The following AGO4 variants were observed in gnomAD, a reference collection of about 807,000 sequenced individuals.
AGO4 encodes the protein protein argonaute-4.
Under a neutral mutation model 104.7 loss-of-function variants are expected in AGO4, and 33 were observed. The observed-to-expected ratio is 0.32, with a 90% confidence interval of 0.24 to 0.42. The LOEUF (loss-of-function observed/expected upper bound fraction) is 0.42, where lower values mean the gene tolerates loss of function less well. Among genes scored for constraint, AGO4 ranks in the 10% least tolerant of loss-of-function variants. The pLI is 1.00. For missense variants in AGO4, 711 were observed against 1,083.4 expected, an observed-to-expected ratio of 0.66 and a Z score of 4.83; for synonymous variants, 331 against 364.7, an observed-to-expected ratio of 0.91 and a Z score of 1.05.
At chr1:35,847,764 T>C (rs1308461744) in intron 15 of AGO4, among the ~76,000 whole-genome samples, 6 of 152,302 alleles carry the variant, frequency 3.9e-5, no homozygotes, top group Non-Finnish European at 7.3e-5. Flanking sequence ...CTATGTTTTA[T>C]TGTTTTTAAT....
intron 7 of AGO4, among the ~76,000 whole-genome samples, chr1:35,827,187 CAAGACCCTGTCTCAAAAA>C (rs2148662667): frequency 6.6e-6 from 1 of 151,086 alleles, no homozygotes; most frequent in South Asian, 2.1e-4. Flanking sequence ...GGCAACAGAG[CAAGACCCTGTCTCAAAAA>C]AAATTAATAA....
Position 35,841,626 on chromosome 1 carries a change from CA to C in AGO4, c.2052del (p.Glu685AsnfsTer2). On this transcript the variant is annotated frameshift_variant, in exon 15 of 18. Coordinates refer to ENST00000373210, the MANE Select transcript of AGO4 (RefSeq NM_017629.4). LOFTEE classifies it high-confidence loss of function. This position sits in a 1 kb window ranked among gnomAD's most constrained non-coding sequence, Gnocchi z 4.7. Reference protein sequence around the residue: ...SEGQMKQVAWPELIAIRKACI... With the variant: ...SEGQMKQVAWXELIAIRKACI... ...ATTTCTGTCTTCTAGGTAGCTTGGCCAGAACTAATAGCAATTCGAAAGGCAT... is the reference window on the plus strand; with the variant it reads ...ATTTCTGTCTTCTAGGTAGCTTGGCCGAACTAATAGCAATTCGAAAGGCAT... 1 of 1,613,904 alleles carries C rather than the reference CA, an allele frequency of 6.2e-7. No individual in the cohort carries two copies. Among genetic ancestry groups the C allele is most frequent in the Non-Finnish European group, 8.5e-7 (1 of 1,179,984 alleles).
At chr1:35,825,214 A>G in intron 3 of AGO4, 99 bp from the exon 4 acceptor site, 1 of 1,281,812 alleles carries the variant, frequency 7.8e-7, no homozygotes, top group Non-Finnish European at 1.1e-6. Context: ...AAAAGTTAAA[A>G]GAAATATCCT....
chr1:35,851,135 A>G, intron 17 of AGO4, 82 bp downstream of exon 17: 1 of 1,359,244 alleles, frequency 7.4e-7, no homozygotes, highest in Non-Finnish European at 1.0e-6. Context: ...AAACTTTTTT[A>G]AGGATTTAAA....
chr1:35,824,458 C>G (rs1431383310), intron 3 of AGO4, among the ~76,000 whole-genome samples: 1 of 150,432 alleles, frequency 6.6e-6, no homozygotes, highest in East Asian at 1.9e-4. Flanking sequence ...TATTTTTTTT[C>G]AAATTTAAGT....
At position 35,857,472 on chromosome 1, in the gene AGO4, A is replaced by G. The variant is rs779638475; in HGVS notation, c.*3867A>G. The G allele has an allele frequency of 6.6e-6, 1 of 152,220 alleles. No individual in the cohort carries two copies. The highest frequency in any genetic ancestry group is 1.5e-5 in the Non-Finnish European group (1 of 68,040). 9.4% of individuals were successfully genotyped at this position (152,220 alleles called of 1,614,324 possible). On this transcript the variant is annotated 3_prime_UTR_variant, in exon 18 of 18. Coordinates refer to ENST00000373210, the MANE Select transcript of AGO4 (RefSeq NM_017629.4). Reference sequence around the variant, plus strand: ...ATTATTAGACCTGTAATGTTTTAAAATGTATTTTATTAAATTTGGACTGGA... The same window carrying G: ...ATTATTAGACCTGTAATGTTTTAAAGTGTATTTTATTAAATTTGGACTGGA...
chr1:35,815,867 C>T (rs1643676242), intron 1 of AGO4, among the ~76,000 whole-genome samples: 1 of 152,112 alleles, frequency 6.6e-6, no homozygotes, highest in South Asian at 2.1e-4. Context: ...CAAATTTGCC[C>T]CGGGTTGAGA....
chr1:35,853,604 G>A lies in AGO4; in HGVS notation c.2585G>A (p.Ter862=). Reference sequence around the variant, plus strand: ...ACCCAGCACACGATGTATTTTGCCTGAGAGTCTCAGAAAAAGAACTCAACC... The same window carrying A: ...ACCCAGCACACGATGTATTTTGCCTAAGAGTCTCAGAAAAAGAACTCAACC... The part of the protein sequence containing the change: ...HDTQHTMYFA[*] Residue 862 remains the stop codon, a stop_retained_variant, in exon 18 of 18, where the codon TGA becomes TAA. Coordinates refer to ENST00000373210, the MANE Select transcript of AGO4 (RefSeq NM_017629.4). 6.2e-7 allele frequency: 1 copy of A among 1,613,096 alleles called. No individual in the cohort carries two copies. The highest frequency in any genetic ancestry group is 1.1e-5 in the South Asian group (1 of 90,882).
rs1250628780 is a variant in AGO4, at chr1:35,808,648, A to AG, written c.19+219dup. ...GGCCGTTGGGTGGATCCCGAGGTCC[A>AG]GGGGGGAGGTTCGGGAAGGTGACCG... On this transcript the variant is annotated intron_variant, in intron 1 of 17. Coordinates refer to ENST00000373210, the MANE Select transcript of AGO4 (RefSeq NM_017629.4). The surrounding 1 kb of genome is among the most constrained non-coding windows in gnomAD (Gnocchi z 5.2). Among the ~76,000 whole-genome samples the AG allele has an allele frequency of 1.3e-5, 2 of 151,956 alleles. No individual in the cohort carries two copies. The highest frequency in any genetic ancestry group is 4.8e-5 in the African/African-American group (2 of 41,414).
At chr1:35,846,841 A>T (rs1644584387) in intron 15 of AGO4, among the ~76,000 whole-genome samples, 1 of 151,956 alleles carries the variant, frequency 6.6e-6, no homozygotes, top group Non-Finnish European at 1.5e-5. Flanking sequence ...TGGTTCCAGG[A>T]CCTGCTGCAG....
chr1:35,825,478 C>T lies in AGO4; in HGVS notation c.472C>T (p.His158Tyr). The T allele has an allele frequency of 6.2e-7, 1 of 1,614,092 alleles. No individual in the cohort carries two copies. Among genetic ancestry groups the T allele is most frequent in the Non-Finnish European group, 8.5e-7 (1 of 1,179,996 alleles). ...SVQALDVITR[H>Y]LPSMRYTPVG... is the part of the protein sequence containing the mutation. ...ACAAGCACTTGATGTTATCACAAGACACCTTCCCTCCATGAGGTTAGTACC... is the reference window on the plus strand; with the variant it reads ...ACAAGCACTTGATGTTATCACAAGATACCTTCCCTCCATGAGGTTAGTACC... Residue 158 changes from histidine (H) to tyrosine (Y), a missense_variant, in exon 4 of 18, where the codon CAC becomes TAC. Physicochemically the swap from His to Tyr is moderately conservative, Grantham distance 83 (BLOSUM62 2). Around this residue, in one of 3 missense-constraint regions of AGO4, gnomAD observed 308 missense variants for 397.8 expected, o/e 0.77. Transcript: ENST00000373210.
At chr1:35,832,255 C>T (rs1384016612) in intron 10 of AGO4, 70 bp downstream of exon 10, 3 of 1,579,298 alleles carry the variant, frequency 1.9e-6, no homozygotes, top group Non-Finnish European at 2.6e-6. Flanking sequence ...CAGGGTTTCT[C>T]TACTCTGCCA....
chr1:35,851,057 A>C lies in AGO4; in HGVS notation c.2477+4A>C. 6.2e-7 allele frequency: 1 copy of C among 1,603,522 alleles called. No homozygotes were observed. Among genetic ancestry groups the C allele is most frequent in the Non-Finnish European group, 8.5e-7 (1 of 1,174,214 alleles). ...TGGTGGATAAAGATCATGACAGGCA[A>C]GTTTCTTAGGCACAATAAAGTCTCT... On this transcript the variant is annotated splice_donor_region_variant and intron_variant, in intron 17 of 17. Transcript: ENST00000373210.
intron 2 of AGO4, among the ~76,000 whole-genome samples, chr1:35,820,728 A>C (rs1031951437): frequency 1.3e-5 from 2 of 152,116 alleles, no homozygotes; most frequent in African/African-American, 4.8e-5. Flanking sequence ...GGAATAATCC[A>C]GTAAAAAGGA....
chr1:35,850,815 A>G (rs1644684830), intron 16 of AGO4, 39 bp from the exon 17 acceptor site: 1 of 1,232,178 alleles, frequency 8.1e-7, no homozygotes, highest in Non-Finnish European at 1.1e-6. Flanking sequence ...ACAAAAAACG[A>G]ACAAAAAAAA....
At chr1:35,844,524 G>A (rs1003965229) in intron 15 of AGO4, among the ~76,000 whole-genome samples, 2 of 151,922 alleles carry the variant, frequency 1.3e-5, no homozygotes, top group Non-Finnish European at 2.9e-5. Context: ...AAGTCCTATC[G>A]TCTATTTCCC....
chr1:35,843,624 T>C (rs1644500366), intron 15 of AGO4, among the ~76,000 whole-genome samples: 1 of 151,980 alleles, frequency 6.6e-6, no homozygotes, highest in Non-Finnish European at 1.5e-5. Context: ...GACCAGCACA[T>C]GTCAAATAAA....
chr1:35,832,585 A>G lies in AGO4; in HGVS notation c.1379+15A>G, dbSNP rs1557566194. The G allele has an allele frequency of 6.2e-7, 1 of 1,611,494 alleles. No homozygotes were observed. The highest frequency in any genetic ancestry group is 1.3e-5 in the African/African-American group (1 of 74,752). ...GATTTACTAAAGTGAGTATCTTCAT[A>G]TTTTCAGCTTAGTAATATCCCTTCC... On this transcript the variant is annotated intron_variant, in intron 11 of 17. Coordinates refer to ENST00000373210, the MANE Select transcript of AGO4 (RefSeq NM_017629.4).
In AGO4 at chr1:35,817,011, A is replaced by G; in HGVS notation, c.149A>G (p.Asp50Gly). The G allele has an allele frequency of 6.2e-7, 1 of 1,613,326 alleles. No homozygotes were observed. Among genetic ancestry groups the G allele is most frequent in the Non-Finnish European group, 8.5e-7 (1 of 1,179,648 alleles). Residue 50 changes from aspartate (D) to glycine (G), a missense_variant, in exon 2 of 18, where the codon GAT becomes GGT. Physicochemically the swap from Asp to Gly is moderately conservative, Grantham distance 94. Transcript: ENST00000373210. ...PKIDVYHYDV[D>G]IKPEKRPRRV... The stretch of plus-strand genomic sequence containing the variant: ...ATAGATGTGTATCACTATGATGTGG[A>G]TATTAAGCCTGAAAAACGGCCTCGT...
Sources: allele counts gnomAD v4.1 joint callset (sites outside exome capture counted in the v4.1 genomes callset), GRCh38; gene constraint gnomAD v4.1.1; regional missense constraint gnomAD v4.1.1; non-coding constraint Gnocchi (gnomAD v3.1); transcripts MANE v1.5; gene names NCBI Gene and HGNC (gene_info 2026-07-23, HGNC 2026-07-21).